Variants in CALN1 observed in about 807,000 individuals in gnomAD.
CALN1 encodes the protein calneuron 1.
CALN1 carries 17 observed loss-of-function variants against 30.6 expected under a neutral mutation model. That is an observed-to-expected ratio of 0.56 (90% confidence interval 0.38 to 0.83). The LOEUF is 0.83. CALN1 is among the 40% of genes least tolerant of loss of function. The probability of loss-of-function intolerance (pLI) is 0.00; values close to 1 mark genes in which losing one functional copy is unlikely to be tolerated. For missense variants in CALN1, 291 were observed against 354.9 expected, an observed-to-expected ratio of 0.82 and a Z score of 1.45; for synonymous variants, 156 against 131.4, an observed-to-expected ratio of 1.19 and a Z score of -1.28.
At chr7:72,389,131 G>T (rs547484804) in intron 2 of CALN1, among the ~76,000 whole-genome samples, 3 of 152,156 alleles carry the variant, frequency 2.0e-5, no homozygotes, top group Non-Finnish European at 4.4e-5. Flanking sequence ...TTCTGAGCAG[G>T]TGCTCTGTCC....
At chr7:71,945,543 T>C (rs576591825) in intron 5 of CALN1, among the ~76,000 whole-genome samples, 3 of 152,142 alleles carry the variant, frequency 2.0e-5, no homozygotes, top group Admixed American at 6.5e-5. Context: ...TGAGCAAACA[T>C]TGCCGCCTGA....
At chr7:71,922,617 TATATTATATATAAATATATAACA>T (rs1381829863) in intron 5 of CALN1, among the ~76,000 whole-genome samples, 9 of 138,206 alleles carry the variant, frequency 6.5e-5, no homozygotes, top group African/African-American at 2.5e-4. Context: ...ACACACAGAA[TATATTATATATAAATATATAACA>T]GAATATATTA....
intron 5 of CALN1, among the ~76,000 whole-genome samples, chr7:71,857,800 T>C (rs1378490925): frequency 6.6e-6 from 1 of 151,944 alleles, no homozygotes. Flanking sequence ...CTGATGAAAA[T>C]ATAAAACAAT....
At chr7:72,134,125 G>C (rs1465057201) in intron 3 of CALN1, among the ~76,000 whole-genome samples, 3 of 152,152 alleles carry the variant, frequency 2.0e-5, no homozygotes, top group Non-Finnish European at 4.4e-5. Context: ...TTGCTCTTCT[G>C]TTCTTCTGCC....
At chr7:72,192,682 G>T (rs1790701057) in intron 3 of CALN1, among the ~76,000 whole-genome samples, 1 of 147,472 alleles carries the variant, frequency 6.8e-6, no homozygotes. Context: ...TATACTTTAA[G>T]TTTTAGGGTA....
chr7:72,255,275 T>C (rs1237231230), intron 3 of CALN1, among the ~76,000 whole-genome samples: 1 of 151,910 alleles, frequency 6.6e-6, no homozygotes, highest in Admixed American at 6.6e-5. Context: ...ATATTTTTAG[T>C]AGAGACAGGG....
At position 72,410,761 on chromosome 7, in the gene CALN1, A is replaced by G. The variant is rs189767565; in HGVS notation, c.-74+1297T>C. On this transcript the variant is annotated intron_variant, in intron 1 of 6. Transcript: ENST00000395275. ...AGGGAACTATATATATTTCCTGAAC[A>G]TAAATACACACACCTCCGTATCAGC... is the stretch of plus-strand genomic sequence containing the variant. 1.4e-4 allele frequency among the ~76,000 whole-genome samples: 21 copies of G among 152,344 alleles called. No individual in the cohort carries two copies. In the East Asian group the frequency reaches 3.9e-3, roughly 28 times the overall value.
At chr7:71,996,046 G>A (rs1218286615) in intron 5 of CALN1, among the ~76,000 whole-genome samples, 1 of 152,100 alleles carries the variant, frequency 6.6e-6, no homozygotes, top group Non-Finnish European at 1.5e-5. Flanking sequence ...TGGGACCCCA[G>A]CAGCCCTGTA....
intron 3 of CALN1, among the ~76,000 whole-genome samples, chr7:72,266,560 G>A (rs1449569184): frequency 2.0e-5 from 3 of 152,126 alleles, no homozygotes; most frequent in African/African-American, 4.8e-5. Flanking sequence ...TCCTCCCTGT[G>A]TGTGGATTTC....
chr7:72,321,587 G>C (rs1800885148), intron 2 of CALN1, among the ~76,000 whole-genome samples: 1 of 152,200 alleles, frequency 6.6e-6, no homozygotes, highest in Non-Finnish European at 1.5e-5. Context: ...TTGAACATCT[G>C]TCAAGGTGTC....
intron 4 of CALN1, among the ~76,000 whole-genome samples, chr7:72,027,619 G>A (rs896855841): frequency 4.6e-5 from 7 of 151,914 alleles, no homozygotes; most frequent in African/African-American, 1.7e-4. Context: ...GCAGAAGCAG[G>A]AAAATCACTT....
At chr7:72,223,616 T>C (rs1793462303) in intron 3 of CALN1, among the ~76,000 whole-genome samples, 1 of 152,060 alleles carries the variant, frequency 6.6e-6, no homozygotes, top group African/African-American at 2.4e-5. Flanking sequence ...AAGGAAGTCA[T>C]TACCAAAAGC....
At chr7:72,119,392 G>T (rs1318882064) in intron 3 of CALN1, among the ~76,000 whole-genome samples, 1 of 151,972 alleles carries the variant, frequency 6.6e-6, no homozygotes, top group Non-Finnish European at 1.5e-5. Context: ...GCGCAGGAAA[G>T]ACCTGACCCC....
intron 2 of CALN1, among the ~76,000 whole-genome samples, chr7:72,395,348 C>T (rs558008128): frequency 2.6e-4 from 25 of 97,410 alleles, no homozygotes; most frequent in East Asian, 7.6e-4. Context: ...ACACACGCTG[C>T]GCACGCGCGC....
chr7:72,090,861 T>C (rs568744896), intron 4 of CALN1, among the ~76,000 whole-genome samples: 4 of 152,182 alleles, frequency 2.6e-5, no homozygotes, highest in African/African-American at 9.6e-5. Context: ...TGATCTATGG[T>C]AGCTTAAAAA....
At chr7:72,335,723 G>A (rs1264500838) in intron 2 of CALN1, among the ~76,000 whole-genome samples, 2 of 152,234 alleles carry the variant, frequency 1.3e-5, no homozygotes, top group Non-Finnish European at 2.9e-5. Context: ...CCTCACACAA[G>A]CCTCGTCCAA....
At chr7:71,886,606 C>T (rs1330180307) in intron 5 of CALN1, among the ~76,000 whole-genome samples, 1 of 152,008 alleles carries the variant, frequency 6.6e-6, no homozygotes. Context: ...AATCCTTTCT[C>T]TACTAGAAAT....
chr7:72,290,029 G>A (rs74507924), intron 2 of CALN1, among the ~76,000 whole-genome samples: 23,227 of 127,670 alleles, frequency 0.18, 2,695 homozygotes, highest in East Asian at 0.43. Flanking sequence ...AGTGAGCTAT[G>A]ATTAAACCCC....
At chr7:72,318,317 C>G (rs1039228871) in intron 2 of CALN1, among the ~76,000 whole-genome samples, 1 of 152,024 alleles carries the variant, frequency 6.6e-6, no homozygotes, top group Non-Finnish European at 1.5e-5. Flanking sequence ...CACTTTCATT[C>G]TTCTCCTACT....
Sources: gnomAD v4.1 joint callset for allele counts (sites outside exome capture counted in the v4.1 genomes callset) on GRCh38, gnomAD v4.1.1 for gene constraint, MANE v1.5 for transcripts, NCBI Gene and HGNC (gene_info 2026-07-23, HGNC 2026-07-21) for gene names.